GRM5: variants seen among roughly 807,000 people sequenced by gnomAD.
GRM5 encodes metabotropic glutamate receptor 5.
A neutral mutation model predicts 83.1 loss-of-function variants in GRM5; 19 were observed. That is an observed-to-expected ratio of 0.23 (90% CI 0.16 to 0.34). The LOEUF is 0.34. Ranked by LOEUF, GRM5 falls within the 10% of genes least tolerant of loss-of-function variation. The probability of loss-of-function intolerance (pLI) is 1.00; values close to 1 mark genes in which losing one functional copy is unlikely to be tolerated. For synonymous variants in GRM5, 675 were observed against 633.6 expected, an observed-to-expected ratio of 1.07 and a Z score of -0.98; for missense variants, 1,160 against 1,588.3, an observed-to-expected ratio of 0.73 and a Z score of 4.58.
At chr11:89,057,580 T>C (rs567173188) in intron 1 of GRM5, among the ~76,000 whole-genome samples, 2 of 152,312 alleles carry the variant, frequency 1.3e-5, no homozygotes, top group African/African-American at 4.8e-5. Flanking sequence ...TTTAGCAGTC[T>C]ATGAAGACCT....
intron 2 of GRM5, among the ~76,000 whole-genome samples, chr11:88,993,727 T>C (rs139586621): frequency 0.021 from 3,195 of 152,226 alleles, 115 homozygotes; most frequent in African/African-American, 0.074. Context: ...TGTTTTTAGT[T>C]TGTTTGTTTT....
chr11:88,922,438 A>G (rs2135630912), intron 2 of GRM5, among the ~76,000 whole-genome samples: 1 of 152,336 alleles, frequency 6.6e-6, no homozygotes, highest in African/African-American at 2.4e-5. Flanking sequence ...ATCAACAGTG[A>G]ACTCATTTTT....
chr11:88,538,658 G>A (rs192285952), intron 8 of GRM5, among the ~76,000 whole-genome samples: 2 of 152,144 alleles, frequency 1.3e-5, no homozygotes, highest in Admixed American at 6.6e-5. Flanking sequence ...GTCAGATGAA[G>A]CTAGATAATA....
At chr11:89,060,077 C>T (rs1941958122) in intron 1 of GRM5, among the ~76,000 whole-genome samples, 1 of 152,062 alleles carries the variant, frequency 6.6e-6, no homozygotes. Context: ...TTCCAACATA[C>T]TACAACTCAC....
intron 3 of GRM5, among the ~76,000 whole-genome samples, chr11:88,747,326 A>AGAT (rs1197462805): frequency 6.6e-6 from 1 of 152,202 alleles, no homozygotes; most frequent in East Asian, 1.9e-4. Flanking sequence ...TAAGCATTGG[A>AGAT]GATAAACAGA....
intron 3 of GRM5, among the ~76,000 whole-genome samples, chr11:88,773,389 T>C (rs7111314): frequency 0.99 from 150,474 of 152,310 alleles, 74,355 homozygotes; most frequent in East Asian, 1. Flanking sequence ...AATTTTCTCC[T>C]ATTCTGTAGG....
chr11:88,775,844 A>T (rs1021096152), intron 3 of GRM5, among the ~76,000 whole-genome samples: 4 of 152,126 alleles, frequency 2.6e-5, no homozygotes, highest in African/African-American at 9.7e-5. Flanking sequence ...TTTGCTGAGG[A>T]GTGATTTACT....
intron 8 of GRM5, among the ~76,000 whole-genome samples, chr11:88,532,990 C>A (rs1202696693): frequency 6.6e-6 from 1 of 152,090 alleles, no homozygotes; most frequent in Non-Finnish European, 1.5e-5. Context: ...TTAACAGTTT[C>A]TCAAACTGGT....
intron 3 of GRM5, among the ~76,000 whole-genome samples, chr11:88,722,465 A>G (rs1226309087): frequency 6.6e-6 from 1 of 152,090 alleles, no homozygotes; most frequent in Non-Finnish European, 1.5e-5. Flanking sequence ...GAATTACTTT[A>G]TGGTAACTTT....
At chr11:88,867,941 AG>A (rs1565268635) in intron 2 of GRM5, among the ~76,000 whole-genome samples, 1 of 151,966 alleles carries the variant, frequency 6.6e-6, no homozygotes, top group African/African-American at 2.4e-5. Flanking sequence ...AGTCACAAAA[AG>A]TACCCAAATC....
chr11:89,057,406 C>T (rs187838357), intron 1 of GRM5, among the ~76,000 whole-genome samples: 1 of 151,986 alleles, frequency 6.6e-6, no homozygotes, highest in East Asian at 1.9e-4. Flanking sequence ...CACTGTTTAG[C>T]CCCACAAAAT....
intron 2 of GRM5, among the ~76,000 whole-genome samples, chr11:89,002,154 T>C (rs1175962378): frequency 2.6e-5 from 4 of 152,166 alleles, no homozygotes; most frequent in Non-Finnish European, 5.9e-5. Flanking sequence ...TAACTATTTT[T>C]GGCATGTTTT....
chr11:88,599,512 G>T (rs1388848999), intron 5 of GRM5, among the ~76,000 whole-genome samples: 1 of 152,144 alleles, frequency 6.6e-6, no homozygotes, highest in East Asian at 1.9e-4. Flanking sequence ...CTCCACAAAA[G>T]AATATTCTCC....
intron 6 of GRM5, among the ~76,000 whole-genome samples, chr11:88,591,878 G>A (rs1937647554): frequency 6.6e-6 from 1 of 152,116 alleles, no homozygotes; most frequent in East Asian, 1.9e-4. Context: ...CTATTTCCAG[G>A]CTCTTTAGTA....
intron 2 of GRM5, among the ~76,000 whole-genome samples, chr11:88,926,010 A>G (rs1945782847): frequency 6.6e-6 from 1 of 152,210 alleles, no homozygotes; most frequent in Non-Finnish European, 1.5e-5. Flanking sequence ...TAAAGGAGCC[A>G]GGATTAAATC....
chr11:88,645,871 C>T (rs1342646982), intron 4 of GRM5, among the ~76,000 whole-genome samples: 1 of 151,962 alleles, frequency 6.6e-6, no homozygotes, highest in Non-Finnish European at 1.5e-5. Flanking sequence ...ATTTTGTCAC[C>T]AGTTGGCTAT....
At chr11:88,544,061 ACT>A (rs144066431) in intron 8 of GRM5, among the ~76,000 whole-genome samples, 2 of 148,944 alleles carry the variant, frequency 1.3e-5, no homozygotes, top group Admixed American at 6.7e-5. Context: ...ATTTGCTCTC[ACT>A]CTCTCTCTCT....
At chr11:88,638,076 A>G (rs1423109128) in intron 4 of GRM5, among the ~76,000 whole-genome samples, 1 of 147,934 alleles carries the variant, frequency 6.8e-6, no homozygotes, top group African/African-American at 2.5e-5. Flanking sequence ...AACACTGCGT[A>G]TTCTCACTCT....
rs1025440686 is a variant in GRM5 at position 88,588,062 on chromosome 11, A to G, written c.1690+2539T>C. Among the ~76,000 whole-genome samples the G allele has an allele frequency of 1.6e-4, 24 of 152,170 alleles. 1 individual carries two copies. The highest frequency in any genetic ancestry group is 5.5e-4 in the African/African-American group (23 of 41,450). ...TAAAAAAGACAGATCTGTATTTTGG[A>G]TACATTATTCAGTAGCAAGATCATC... On this transcript the variant is annotated intron_variant, in intron 7 of 9. Transcript: ENST00000305447.
Sources: gnomAD v4.1 joint callset for allele counts (sites outside exome capture counted in the v4.1 genomes callset) on GRCh38, gnomAD v4.1.1 for gene constraint, MANE v1.5 for transcripts, NCBI Gene and HGNC (gene_info 2026-07-23, HGNC 2026-07-21) for gene names.